MYO1F: variants seen among roughly 807,000 people sequenced by gnomAD.
The protein encoded by MYO1F is myosin IF.
MYO1F carries 60 observed loss-of-function variants against 146.6 expected under a neutral mutation model. The ratio of observed to expected loss-of-function variants is 0.41; its 90% CI spans 0.33 to 0.51. The LOEUF is 0.51. MYO1F is among the 20% of genes least tolerant of loss of function. MYO1F has a pLI of 0.25. For synonymous variants in MYO1F, 602 were observed against 602.1 expected (o/e 1.00, Z 0.00); for missense variants, 1,274 against 1,534.3 (o/e 0.83, Z 2.83).
chr19:8,568,422 C>CAAAAAAAAAAAAAAAA (rs55833513), intron 1 of MYO1F, among the ~76,000 whole-genome samples: 3 of 66,440 alleles, frequency 4.5e-5, no homozygotes, highest in African/African-American at 2.1e-4. Context: ...GACTCCGTCT[C>CAAAAAAAAAAAAAAAA]AAAAAAAAAA....
At chr19:8,567,953 T>C (rs1198392658) in intron 1 of MYO1F, among the ~76,000 whole-genome samples, 2 of 152,242 alleles carry the variant, frequency 1.3e-5, no homozygotes, top group Non-Finnish European at 1.5e-5. Context: ...CAGCTGTGTC[T>C]GGCTAGGCCC....
Position 8,530,556 on chromosome 19 carries a change from C to T in MYO1F, c.2061G>A (p.Glu687=), listed in dbSNP as rs762756257. The T allele has an allele frequency of 6.2e-7, 1 of 1,612,374 alleles. No individual in the cohort carries two copies. The highest frequency in any genetic ancestry group is 1.3e-5 in the African/African-American group (1 of 75,058). ...KNPESLFLLE[E]VRERKFDGFA... ...AGCCATCGAACTTTCGCTCTCGCAC[C>T]TCCTCCAGGAGGAAAAGCTGGGCGG... The change falls in exon 20 of 28, where the codon GAG becomes GAA. Residue 687 remains glutamate (E), a synonymous_variant. Coordinates refer to ENST00000644032, the MANE Select transcript of MYO1F (RefSeq NM_012335.4). This position sits in a 1 kb window ranked among gnomAD's most constrained non-coding sequence, Gnocchi z 5.8.
Position 8,550,304 on chromosome 19 carries a change from C to T in MYO1F, c.957G>A (p.Glu319=). 6.2e-7 allele frequency: 1 copy of T among 1,613,980 alleles called. No homozygotes were observed. Among genetic ancestry groups the T allele is most frequent in the Non-Finnish European group, 8.5e-7 (1 of 1,179,968 alleles). The part of the protein sequence containing the change: ...LLGIDSGRLQ[E]KLTSRKMDSR... ...TGTCCATCTTGCGGCTGGTCAGCTTCTCCTGCAGTCGCCCGCTGTCAATGC... is the reference window on the plus strand; with the variant it reads ...TGTCCATCTTGCGGCTGGTCAGCTTTTCCTGCAGTCGCCCGCTGTCAATGC... The change falls in exon 10 of 28, where the codon GAG becomes GAA. Residue 319 remains glutamate, a synonymous_variant. Transcript: ENST00000644032.
intron 15 of MYO1F, 108 bp downstream of exon 15, chr19:8,541,798 G>C: frequency 9.8e-7 from 1 of 1,016,190 alleles, no homozygotes; most frequent in Non-Finnish European, 1.5e-6. Flanking sequence ...CACTCCCCTC[G>C]AGTTTGTGGC....
At chr19:8,566,588 A>G (rs1221284773) in intron 1 of MYO1F, among the ~76,000 whole-genome samples, 5 of 151,760 alleles carry the variant, frequency 3.3e-5, no homozygotes, top group Non-Finnish European at 7.4e-5. Context: ...ATCTTGGCTC[A>G]CTGCAACCTC....
intron 15 of MYO1F, among the ~76,000 whole-genome samples, chr19:8,541,074 C>G (rs1462871905): frequency 1.3e-5 from 2 of 152,014 alleles, no homozygotes; most frequent in African/African-American, 4.8e-5. Flanking sequence ...GCCTCCACCT[C>G]CTAGGCTCAA....
chr19:8,572,656 C>T (rs969096905), intron 1 of MYO1F, among the ~76,000 whole-genome samples: 2 of 152,134 alleles, frequency 1.3e-5, no homozygotes, highest in Non-Finnish European at 1.5e-5. Flanking sequence ...TGATTCTGGA[C>T]CCAGCAGCCA....
chr19:8,532,949 C>T (rs572162318), intron 19 of MYO1F, among the ~76,000 whole-genome samples: 2 of 139,386 alleles, frequency 1.4e-5, no homozygotes, highest in Admixed American at 1.5e-4. Flanking sequence ...CACACACACA[C>T]AATTGGGCTT....
At chr19:8,527,315 G>C (rs377613765) in intron 22 of MYO1F, 23 bp downstream of exon 22, 5 of 1,613,714 alleles carry the variant, frequency 3.1e-6, no homozygotes, top group African/African-American at 1.3e-5. Flanking sequence ...GTGACTGTGC[G>C]GCAGGTAAGG....
At chr19:8,532,903 TAC>T (rs60799506) in intron 19 of MYO1F, among the ~76,000 whole-genome samples, 16,935 of 112,848 alleles carry the variant, frequency 0.15, 1,288 homozygotes, top group East Asian at 0.24. Flanking sequence ...AAAAAAAAAA[TAC>T]ACACACACAC....
At chr19:8,545,475 T>C in intron 13 of MYO1F, 175 bp downstream of exon 13, 3 of 690,908 alleles carry the variant, frequency 4.3e-6, no homozygotes, top group Non-Finnish European at 8.0e-6. Flanking sequence ...GTAGGCGGAA[T>C]GAATGGATGA....
chr19:8,556,309 C>T (rs1314339461), intron 1 of MYO1F, among the ~76,000 whole-genome samples: 2 of 149,866 alleles, frequency 1.3e-5, no homozygotes, highest in Admixed American at 6.6e-5. Context: ...GGATTACAGG[C>T]GTGAGCCACC....
intron 14 of MYO1F, 77 bp from the exon 15 acceptor site, chr19:8,542,068 C>A: frequency 3.3e-6 from 4 of 1,214,300 alleles, no homozygotes; most frequent in South Asian, 1.2e-5. Flanking sequence ...GCTTACAGCC[C>A]AGGTGGTCAA....
Position 8,536,986 on chromosome 19 carries a change from T to C in MYO1F, c.1762A>G (p.Asn588Asp). The change falls in exon 17 of 28, where the codon AAC becomes GAC. Residue 588 changes from asparagine (N) to aspartate (D), a missense_variant. Physicochemically the swap from Asn to Asp is conservative, Grantham distance 23. This residue lies in a region of MYO1F where 900 missense variants were observed against 1,155.1 expected (regional missense o/e 0.78). Coordinates refer to ENST00000644032, the MANE Select transcript of MYO1F (RefSeq NM_012335.4). ...CAGTCTCGGGGCCTCTTGGTCTCGT[T>C]GGGTTTGATGCAGCGGATGTAGTGG... ...TPHYIRCIKP[N>D]ETKRPRDWEE... 6.2e-7 allele frequency: 1 copy of C among 1,611,848 alleles called. No homozygotes were observed. Among genetic ancestry groups the C allele is most frequent in the Non-Finnish European group, 8.5e-7 (1 of 1,179,336 alleles).
intron 1 of MYO1F, among the ~76,000 whole-genome samples, chr19:8,570,794 C>T (rs368710019): frequency 2.0e-5 from 3 of 152,098 alleles, no homozygotes; most frequent in African/African-American, 4.8e-5. Context: ...AGGTGCAAGC[C>T]GCTGTGCCCG....
chr19:8,536,889 T>G, intron 17 of MYO1F, 60 bp downstream of exon 17: 79 of 1,050,418 alleles, frequency 7.5e-5, no homozygotes, highest in Non-Finnish European at 1.0e-4. Flanking sequence ...TCTCGGTCAG[T>G]TCTAGGGGTA....
chr19:8,554,387 T>C, intron 4 of MYO1F, 90 bp downstream of exon 4: 1 of 1,033,220 alleles, frequency 9.7e-7, no homozygotes, highest in Non-Finnish European at 1.5e-6. Context: ...ATGTTCAGAT[T>C]GGGAGTTTCA....
chr19:8,542,205 G>A (rs1204647712), intron 14 of MYO1F, among the ~76,000 whole-genome samples: 1 of 151,546 alleles, frequency 6.6e-6, no homozygotes, highest in African/African-American at 2.4e-5. Context: ...TTCAAGTTGA[G>A]GTTAGAGGAT....
chr19:8,536,137 C>T lies in MYO1F; in HGVS notation c.2043+115G>A. On this transcript the variant is annotated intron_variant, in intron 19 of 27. Coordinates refer to ENST00000644032, the MANE Select transcript of MYO1F (RefSeq NM_012335.4). ...TCTGTTTCTCAATTTCTCAATCTATCAGTCTTTCTCTCAATCTCTGTCTCC... is the reference window on the plus strand; with the variant it reads ...TCTGTTTCTCAATTTCTCAATCTATTAGTCTTTCTCTCAATCTCTGTCTCC... 3.1e-6 allele frequency: 4 copies of T among 1,298,206 alleles called. No individual in the cohort carries two copies. The South Asian group carries it at 4.9e-5, about 16-fold the overall frequency. 80.4% of individuals were successfully genotyped at this position (1,298,206 alleles called of 1,614,324 possible).
Sources: gnomAD v4.1 joint callset for allele counts (sites outside exome capture counted in the v4.1 genomes callset) on GRCh38, gnomAD v4.1.1 for gene constraint, gnomAD v4.1.1 regional missense constraint, Gnocchi (gnomAD v3.1) non-coding constraint, MANE v1.5 for transcripts, NCBI Gene and HGNC (gene_info 2026-07-23, HGNC 2026-07-21) for gene names.